The following TMPRSS11D variants were observed in gnomAD, a reference collection of about 807,000 sequenced individuals.
TMPRSS11D encodes the protein transmembrane protease serine 11D.
In TMPRSS11D, 32 loss-of-function variants were observed where a neutral mutation model predicts 44.4. The observed-to-expected ratio is 0.72, with a 90% CI of 0.54 to 0.97. The LOEUF (loss-of-function observed/expected upper bound fraction) is 0.97, where lower values mean the gene tolerates loss of function less well. TMPRSS11D is among the 50% of genes least tolerant of loss of function. The pLI is 0.00. For missense variants in TMPRSS11D, 446 were observed against 502.6 expected, an observed-to-expected ratio of 0.89 and a Z score of 1.08; for synonymous variants, 179 against 177.9, an observed-to-expected ratio of 1.01 and a Z score of -0.05.
chr4:67,849,593 A>C (rs1718445044), intron 3 of TMPRSS11D, among the ~76,000 whole-genome samples: 1 of 152,138 alleles, frequency 6.6e-6, no homozygotes, highest in African/African-American at 2.4e-5. Flanking sequence ...TATCACATTA[A>C]AAATAACAAA....
intron 3 of TMPRSS11D, among the ~76,000 whole-genome samples, chr4:67,851,156 G>T (rs553488097): frequency 1.2e-4 from 18 of 152,334 alleles, no homozygotes; most frequent in African/African-American, 4.3e-4. Context: ...TACTGTATGT[G>T]TCTGGGAGGA....
chr4:67,876,578 A>G (rs940365482), intron 1 of TMPRSS11D, among the ~76,000 whole-genome samples: 5 of 152,198 alleles, frequency 3.3e-5, no homozygotes, highest in African/African-American at 1.2e-4. Flanking sequence ...GAGAGTTTCA[A>G]AAATATCCAC....
chr4:67,838,086 T>A, intron 5 of TMPRSS11D, 86 bp downstream of exon 5: 2 of 1,172,348 alleles, frequency 1.7e-6, no homozygotes, highest in Non-Finnish European at 2.3e-6. Context: ...GAAAGAAAAG[T>A]CAGCCTCTCA....
Position 67,822,378 on chromosome 4 carries a change from T to A in TMPRSS11D, c.1216A>T (p.Thr406Ser). ...PDKPGVYTRV[T>S]AYLDWIRQQT... ...TGCCTAATCCAGTCAAGGTAGGCTG[T>A]CACTCGAGTATACACTCCTGGCTTA... Residue 406 changes from threonine (T) to serine (S), a missense_variant, in exon 10 of 10, where the codon ACA becomes TCA. Coordinates refer to ENST00000283916, the MANE Select transcript of TMPRSS11D (RefSeq NM_004262.3). 1 of 1,613,886 alleles carries A rather than the reference T, an allele frequency of 6.2e-7. No homozygotes were observed. The highest frequency in any genetic ancestry group is 8.5e-7 in the Non-Finnish European group (1 of 1,179,846).
intron 7 of TMPRSS11D, 85 bp downstream of exon 7, chr4:67,833,119 C>T (rs1268681621): frequency 8.3e-7 from 1 of 1,205,214 alleles, no homozygotes; most frequent in African/African-American, 1.6e-5. Flanking sequence ...ATTTCTGGCT[C>T]AATTCAATCC....
At chr4:67,877,007 T>C (rs1719206777) in intron 1 of TMPRSS11D, among the ~76,000 whole-genome samples, 1 of 152,104 alleles carries the variant, frequency 6.6e-6, no homozygotes, top group South Asian at 2.1e-4. Context: ...CCCCATCTGT[T>C]CTCTAAATAT....
intron 1 of TMPRSS11D, among the ~76,000 whole-genome samples, chr4:67,882,718 G>A (rs909377044): frequency 1.6e-4 from 25 of 151,856 alleles, no homozygotes; most frequent in Non-Finnish European, 3.4e-4. Context: ...ACTTATAGAT[G>A]GTTTAAGAAC....
At chr4:67,876,156 T>C (rs995104092) in intron 1 of TMPRSS11D, among the ~76,000 whole-genome samples, 1 of 152,342 alleles carries the variant, frequency 6.6e-6, no homozygotes, top group East Asian at 1.9e-4. Context: ...AAAGGTAATA[T>C]ATTACAATAG....
At chr4:67,836,186 T>C (rs976005579) in intron 5 of TMPRSS11D, among the ~76,000 whole-genome samples, 6 of 152,136 alleles carry the variant, frequency 3.9e-5, no homozygotes, top group African/African-American at 1.4e-4. Flanking sequence ...GGTACTACTT[T>C]AGTTCATGGT....
At chr4:67,830,992 C>T (rs1171411378) in intron 7 of TMPRSS11D, among the ~76,000 whole-genome samples, 1 of 152,048 alleles carries the variant, frequency 6.6e-6, no homozygotes, top group Non-Finnish European at 1.5e-5. Context: ...CTATTATTTT[C>T]ATTAATTATA....
chr4:67,840,487 T>A (rs1718207023), intron 4 of TMPRSS11D, among the ~76,000 whole-genome samples: 1 of 152,016 alleles, frequency 6.6e-6, no homozygotes, highest in African/African-American at 2.4e-5. Flanking sequence ...AAACTTCACA[T>A]AATAGAATCA....
In TMPRSS11D at chr4:67,843,567, T is replaced by C. The variant is rs144440204; in HGVS notation, c.250-942A>G. 4.7e-3 allele frequency among the ~76,000 whole-genome samples: 719 copies of C among 152,294 alleles called. 8 individuals carry two copies. Among genetic ancestry groups the C allele is most frequent in the African/African-American group, 0.017 (686 of 41,552 alleles). ...AAAAATAAAATAACATAAAAAAGGA[T>C]ACTCCAACCTCAGTCTCCTGAGTAT... On this transcript the variant is annotated intron_variant, in intron 3 of 9. Coordinates refer to ENST00000283916, the MANE Select transcript of TMPRSS11D (RefSeq NM_004262.3).
intron 4 of TMPRSS11D, among the ~76,000 whole-genome samples, chr4:67,841,764 C>T (rs983445099): frequency 1.3e-5 from 2 of 152,150 alleles, no homozygotes; most frequent in Non-Finnish European, 2.9e-5. Context: ...CTCTTCTTAT[C>T]CCTTTAACTC....
At chr4:67,826,760 GA>G (rs35777866) in intron 8 of TMPRSS11D, among the ~76,000 whole-genome samples, 131 of 125,828 alleles carry the variant, frequency 1.0e-3, no homozygotes, top group South Asian at 4.4e-3. Context: ...CCTGTCTGTA[GA>G]AAAAAAAAAA....
intron 1 of TMPRSS11D, among the ~76,000 whole-genome samples, chr4:67,865,542 G>C (rs753601520): frequency 6.6e-6 from 1 of 150,434 alleles, no homozygotes; most frequent in South Asian, 2.1e-4. Flanking sequence ...AGAAAAAGTT[G>C]GTTACTTGAA....
intron 8 of TMPRSS11D, among the ~76,000 whole-genome samples, chr4:67,826,411 G>C (rs1033301330): frequency 6.6e-6 from 1 of 152,038 alleles, no homozygotes; most frequent in African/African-American, 2.4e-5. Flanking sequence ...TTATTCCTTG[G>C]AGAGACAATC....
chr4:67,834,997 G>C, intron 6 of TMPRSS11D, 86 bp downstream of exon 6: 5 of 1,238,966 alleles, frequency 4.0e-6, no homozygotes, highest in Non-Finnish European at 5.9e-6. Flanking sequence ...GATAGATACT[G>C]CCTTGGCCAA....
rs1052364918 is a variant in TMPRSS11D at position 67,862,913 on chromosome 4, G to T, written c.9-3235C>A. 2.0e-5 allele frequency among the ~76,000 whole-genome samples: 3 copies of T among 151,896 alleles called. No homozygotes were observed. In the South Asian group the frequency reaches 6.2e-4, roughly 32 times the overall value. Reference sequence around the variant, plus strand: ...CACACACCGGGGACTGTTGTGGGGTGGGGGAGAGGGGAGGGATAGCATTAG... The same window carrying T: ...CACACACCGGGGACTGTTGTGGGGTTGGGGAGAGGGGAGGGATAGCATTAG... On this transcript the variant is annotated intron_variant, in intron 1 of 9. Coordinates refer to ENST00000283916, the MANE Select transcript of TMPRSS11D (RefSeq NM_004262.3).
chr4:67,831,513 A>G (rs1717945549), intron 7 of TMPRSS11D, among the ~76,000 whole-genome samples: 1 of 152,050 alleles, frequency 6.6e-6, no homozygotes, highest in South Asian at 2.1e-4. Context: ...CATTATAGTG[A>G]TATCGTTTAC....
Sources: allele counts gnomAD v4.1 joint callset (sites outside exome capture counted in the v4.1 genomes callset), GRCh38; gene constraint gnomAD v4.1.1; transcripts MANE v1.5; gene names NCBI Gene and HGNC (gene_info 2026-07-23, HGNC 2026-07-21).